CPED1: variants seen among roughly 807,000 people sequenced by gnomAD.
CPED1 encodes cadherin like and PC-esterase domain containing 1.
In CPED1, 114 loss-of-function variants were observed where a neutral mutation model predicts 128.2. The ratio of observed to expected loss-of-function variants is 0.89; its 90% CI spans 0.76 to 1.04. The LOEUF is 1.04. CPED1 is among the 50% of genes least tolerant of loss of function. CPED1 has a pLI of 0.00. For missense variants in CPED1, 1,211 were observed against 1,207.1 expected (o/e 1.00, Z -0.05); for synonymous variants, 462 against 426.7 (o/e 1.08, Z -1.02).
intron 22 of CPED1, among the ~76,000 whole-genome samples, chr7:121,293,180 T>A (rs1311777503): frequency 6.6e-6 from 1 of 152,168 alleles, no homozygotes; most frequent in East Asian, 1.9e-4. Flanking sequence ...TATAAGCCCC[T>A]GACTAGGGCT....
intron 16 of CPED1, among the ~76,000 whole-genome samples, chr7:121,219,829 T>C (rs1237212045): frequency 6.6e-6 from 1 of 152,070 alleles, no homozygotes; most frequent in Non-Finnish European, 1.5e-5. Context: ...AATTTCTCAC[T>C]AAAACATAAT....
chr7:121,061,688 G>C (rs1432424833), intron 4 of CPED1, among the ~76,000 whole-genome samples: 1 of 152,156 alleles, frequency 6.6e-6, no homozygotes, highest in Non-Finnish European at 1.5e-5. Context: ...ATAAAAGTCA[G>C]TGAATCCAAA....
At chr7:121,010,051 T>C (rs1452310200) in intron 2 of CPED1, among the ~76,000 whole-genome samples, 1 of 152,194 alleles carries the variant, frequency 6.6e-6, no homozygotes, top group Non-Finnish European at 1.5e-5. Context: ...TATACAACAA[T>C]GGCCAAAGCA....
chr7:121,073,627 A>G (rs1256710545), intron 5 of CPED1, among the ~76,000 whole-genome samples: 1 of 152,114 alleles, frequency 6.6e-6, no homozygotes. Flanking sequence ...TCTAATGTCA[A>G]CTTGTTTTCT....
At chr7:121,271,779 T>C (rs1238624169) in intron 22 of CPED1, among the ~76,000 whole-genome samples, 1 of 152,126 alleles carries the variant, frequency 6.6e-6, no homozygotes, top group Non-Finnish European at 1.5e-5. Context: ...AGGTTTTCAG[T>C]AGCAGCAGCT....
chr7:121,088,574 G>A (rs954959852), intron 5 of CPED1, among the ~76,000 whole-genome samples: 1 of 151,182 alleles, frequency 6.6e-6, no homozygotes, highest in East Asian at 1.9e-4. Flanking sequence ...CAGGAGAATC[G>A]CATGAATCCG....
At chr7:121,182,846 A>G (rs1358063916) in intron 16 of CPED1, among the ~76,000 whole-genome samples, 2 of 152,100 alleles carry the variant, frequency 1.3e-5, no homozygotes, top group Non-Finnish European at 2.9e-5. Flanking sequence ...ACAAGCTTCT[A>G]TGTAGCTTGA....
chr7:121,016,977 G>A (rs974408768), intron 3 of CPED1, among the ~76,000 whole-genome samples: 9 of 152,116 alleles, frequency 5.9e-5, no homozygotes, highest in Non-Finnish European at 1.3e-4. Context: ...CCCCTTGCTG[G>A]TTTGTGCTGG....
intron 22 of CPED1, among the ~76,000 whole-genome samples, chr7:121,272,653 T>C (rs767044032): frequency 6.6e-6 from 1 of 152,100 alleles, no homozygotes; most frequent in Non-Finnish European, 1.5e-5. Context: ...TATTAATGCA[T>C]TGTTGCTCTG....
chr7:120,998,736 A>C (rs997963501), intron 2 of CPED1, among the ~76,000 whole-genome samples: 1 of 152,106 alleles, frequency 6.6e-6, no homozygotes, highest in Admixed American at 6.5e-5. Context: ...TTGAAACAAA[A>C]CCAAACTTAA....
intron 7 of CPED1, among the ~76,000 whole-genome samples, chr7:121,116,999 TAC>T (rs1795255964): frequency 2.7e-5 from 4 of 146,492 alleles, no homozygotes; most frequent in Non-Finnish European, 4.5e-5. Context: ...CACATATATA[TAC>T]ACACACACAT....
chr7:121,277,575 CT>C (rs1485315904), intron 22 of CPED1, among the ~76,000 whole-genome samples: 2 of 152,074 alleles, frequency 1.3e-5, no homozygotes, highest in Admixed American at 6.6e-5. Flanking sequence ...GACAACCCAC[CT>C]CTTCTTTCCC....
At position 121,261,826 on chromosome 7, in the gene CPED1, A is replaced by G. The variant is rs1187645938; in HGVS notation, c.2311-4401A>G. 3.6e-6 allele frequency: 4 copies of G among 1,111,806 alleles called. No individual in the cohort carries two copies. In the East Asian group the frequency reaches 1.0e-4, roughly 29 times the overall value. The allele number at this position is 1,111,806 out of a possible 1,614,324, so 68.9% of individuals were successfully genotyped here. A position where few individuals can be genotyped will look rare whatever the true frequency, so the allele number is the denominator to read the frequency against. ...CCAAGTTTTTTGGGCTATCTGTTACAGTGCTTAGCTTATCTCACCTAATAC... is the reference window on the plus strand; with the variant it reads ...CCAAGTTTTTTGGGCTATCTGTTACGGTGCTTAGCTTATCTCACCTAATAC... On this transcript the variant is annotated intron_variant, in intron 18 of 22. Coordinates refer to ENST00000310396, the MANE Select transcript of CPED1 (RefSeq NM_024913.5).
intron 4 of CPED1, among the ~76,000 whole-genome samples, chr7:121,047,527 T>C (rs1793229538): frequency 1.3e-5 from 2 of 152,122 alleles, no homozygotes; most frequent in Non-Finnish European, 2.9e-5. Context: ...TGTTGATACC[T>C]ATAACGAATC....
At chr7:121,236,407 G>A (rs1428581311) in intron 16 of CPED1, among the ~76,000 whole-genome samples, 1 of 152,082 alleles carries the variant, frequency 6.6e-6, no homozygotes, top group Non-Finnish European at 1.5e-5. Context: ...TCCACTTGCT[G>A]TATTGTCCTC....
chr7:121,110,352 T>C (rs558871523), intron 7 of CPED1, among the ~76,000 whole-genome samples: 4 of 152,274 alleles, frequency 2.6e-5, no homozygotes, highest in African/African-American at 9.6e-5. Context: ...TATACACATA[T>C]AAAGAAATTC....
At position 121,098,742 on chromosome 7, in the gene CPED1, A is replaced by T. The variant is rs1347712300; in HGVS notation, c.749+911A>T. ...AAGACCTTGTCTCAAATATATATAT[A>T]TAAAAATATATAAAAATATATATAA... On this transcript the variant is annotated intron_variant, in intron 6 of 22. Coordinates refer to ENST00000310396, the MANE Select transcript of CPED1 (RefSeq NM_024913.5). 1.0e-3 allele frequency among the ~76,000 whole-genome samples: 17 copies of T among 16,790 alleles called. No individual in the cohort carries two copies. The South Asian group carries it at 0.018, about 17-fold the overall frequency. 11.0% of individuals were successfully genotyped at this position (16,790 alleles called of 152,430 possible).
At chr7:121,215,524 A>G (rs979035153) in intron 16 of CPED1, among the ~76,000 whole-genome samples, 1 of 152,152 alleles carries the variant, frequency 6.6e-6, no homozygotes, top group Non-Finnish European at 1.5e-5. Context: ...TGGATTGCAC[A>G]GTAACTGTGA....
At chr7:121,190,715 C>T (rs933941476) in intron 16 of CPED1, among the ~76,000 whole-genome samples, 10 of 152,154 alleles carry the variant, frequency 6.6e-5, no homozygotes, top group African/African-American at 2.4e-4. Flanking sequence ...ATTTTATCTA[C>T]TTTTATTTTC....
Sources: gnomAD v4.1 joint callset for allele counts (sites outside exome capture counted in the v4.1 genomes callset) on GRCh38, gnomAD v4.1.1 for gene constraint, MANE v1.5 for transcripts, NCBI Gene and HGNC (gene_info 2026-07-23, HGNC 2026-07-21) for gene names.